The following IMMP2L variants were observed in gnomAD, a reference collection of about 807,000 sequenced individuals.
The protein encoded by IMMP2L is inner mitochondrial membrane peptidase subunit 2.
In IMMP2L, 18 loss-of-function variants were observed where a neutral mutation model predicts 19.3. That is an observed-to-expected ratio of 0.93 (90% CI 0.64 to 1.38). The LOEUF is 1.38. Ranked by LOEUF, IMMP2L falls within the 40% of genes most tolerant of loss-of-function variation. IMMP2L has a pLI of 0.00. For synonymous variants in IMMP2L, 76 were observed against 73.0 expected (o/e 1.04, Z -0.21); for missense variants, 233 against 218.2 (o/e 1.07, Z -0.43).
chr7:110,970,141 T>C (rs1204074348), intron 3 of IMMP2L, among the ~76,000 whole-genome samples: 1 of 152,116 alleles, frequency 6.6e-6, no homozygotes, highest in Non-Finnish European at 1.5e-5. Context: ...TAAATTTGTA[T>C]TTATGACTCT....
chr7:111,379,206 TA>T (rs11303513), intron 3 of IMMP2L, among the ~76,000 whole-genome samples: 19,518 of 98,836 alleles, frequency 0.2, 1,447 homozygotes, highest in African/African-American at 0.27. Flanking sequence ...ACCCTTATGG[TA>T]AAAAAAAAAA....
At position 110,990,707 on chromosome 7, in the gene IMMP2L, G is replaced by A. The variant is rs1201069750; in HGVS notation, c.240-27142C>T. ...CTCCTAACCAGGCTCCCTAATGCCA[G>A]TGCCAATCTACTTTAAGTTAACTTA... is the stretch of plus-strand genomic sequence containing the variant. On this transcript the variant is annotated intron_variant, in intron 3 of 5. Coordinates refer to ENST00000405709, the MANE Select transcript of IMMP2L (RefSeq NM_032549.4). Among the ~76,000 whole-genome samples, 3 of 152,230 alleles carry A rather than the reference G, an allele frequency of 2.0e-5. No individual in the cohort carries two copies. The South Asian group carries it at 6.2e-4, about 32-fold the overall frequency.
At position 111,264,627 on chromosome 7, in the gene IMMP2L, T is replaced by G. The variant is rs987548251; in HGVS notation, c.239+222611A>C. On this transcript the variant is annotated intron_variant, in intron 3 of 5. Transcript: ENST00000405709. ...AGCAGAAACAGAGAAGACCAGGCAC[T>G]GACTGGCTAGTTGCAGGGAAGATTA... Among the ~76,000 whole-genome samples the G allele has an allele frequency of 4.7e-4, 72 of 151,706 alleles. No homozygotes were observed. In the Admixed American group the frequency reaches 4.8e-3, roughly 10 times the overall value.
At chr7:110,959,456 A>C (rs1368753125) in intron 4 of IMMP2L, among the ~76,000 whole-genome samples, 1 of 151,954 alleles carries the variant, frequency 6.6e-6, no homozygotes, top group African/African-American at 2.4e-5. Flanking sequence ...TCAGTAAATA[A>C]TATTCTATTC....
intron 3 of IMMP2L, among the ~76,000 whole-genome samples, chr7:111,143,964 T>G (rs1803204163): frequency 6.6e-6 from 1 of 152,158 alleles, no homozygotes; most frequent in South Asian, 2.1e-4. Flanking sequence ...CTACCCTGTT[T>G]GGAAAACTTT....
At chr7:110,930,749 G>C (rs1026110970) in intron 4 of IMMP2L, among the ~76,000 whole-genome samples, 1 of 152,172 alleles carries the variant, frequency 6.6e-6, no homozygotes, top group Non-Finnish European at 1.5e-5. Flanking sequence ...TACCAAGCTA[G>C]ATGAGAAACT....
At chr7:110,769,069 T>A (rs1330851851) in intron 5 of IMMP2L, among the ~76,000 whole-genome samples, 1 of 152,208 alleles carries the variant, frequency 6.6e-6, no homozygotes, top group African/African-American at 2.4e-5. Context: ...CGTTTTTGCC[T>A]GATAGCACAA....
At chr7:111,082,638 C>G (rs766049502) in intron 3 of IMMP2L, among the ~76,000 whole-genome samples, 1 of 152,178 alleles carries the variant, frequency 6.6e-6, no homozygotes, top group African/African-American at 2.4e-5. Context: ...TTCTCCCAGG[C>G]TTGTGGTTCA....
rs570639940 is a variant in IMMP2L at position 110,939,098 on chromosome 7, T to C, written c.305+24402A>G. 2.0e-4 allele frequency among the ~76,000 whole-genome samples: 31 copies of C among 152,102 alleles called. No homozygotes were observed. The South Asian group carries it at 5.0e-3, about 24-fold the overall frequency. ...TGACTTCTAAAGGTAGAAGAAAGTA[T>C]AGAGAAGTAGTTTTCAACCATGGTT... On this transcript the variant is annotated intron_variant, in intron 4 of 5. Coordinates refer to ENST00000405709, the MANE Select transcript of IMMP2L (RefSeq NM_032549.4).
intron 3 of IMMP2L, among the ~76,000 whole-genome samples, chr7:111,113,538 ACT>A (rs1799493186): frequency 6.6e-6 from 1 of 152,098 alleles, no homozygotes; most frequent in African/African-American, 2.4e-5. Flanking sequence ...TTTTCTTTTA[ACT>A]ATACCAGGGA....
chr7:110,888,651 A>G (rs766718181), intron 4 of IMMP2L, among the ~76,000 whole-genome samples: 2 of 152,204 alleles, frequency 1.3e-5, no homozygotes, highest in Admixed American at 6.5e-5. Context: ...GCATCATAAA[A>G]GACCAGTGAC....
chr7:111,533,298 T>C (rs948746176), intron 1 of IMMP2L, among the ~76,000 whole-genome samples: 4 of 152,188 alleles, frequency 2.6e-5, no homozygotes, highest in Admixed American at 6.5e-5. Flanking sequence ...TGTTTTGATT[T>C]CTGCATACTT....
At chr7:111,116,872 C>T (rs1243048630) in intron 3 of IMMP2L, among the ~76,000 whole-genome samples, 2 of 152,062 alleles carry the variant, frequency 1.3e-5, no homozygotes, top group East Asian at 3.9e-4. Context: ...TAAAAATAAA[C>T]ATTTGAGAGA....
intron 3 of IMMP2L, among the ~76,000 whole-genome samples, chr7:111,187,186 T>C (rs897231632): frequency 1.3e-5 from 2 of 152,108 alleles, no homozygotes; most frequent in Admixed American, 6.5e-5. Flanking sequence ...GTGGTGGTGT[T>C]CTAATAGTCT....
chr7:111,375,023 T>C (rs1830559718), intron 3 of IMMP2L, among the ~76,000 whole-genome samples: 1 of 152,100 alleles, frequency 6.6e-6, no homozygotes, highest in Non-Finnish European at 1.5e-5. Flanking sequence ...TTTTAGCTCC[T>C]TCATAGCGGG....
At position 110,934,497 on chromosome 7, in the gene IMMP2L, A is replaced by G. The variant is rs112530771; in HGVS notation, c.305+29003T>C. Among the ~76,000 whole-genome samples the G allele has an allele frequency of 6.8e-4, 104 of 152,286 alleles. 1 individual carries two copies. Among genetic ancestry groups the G allele is most frequent in the African/African-American group, 2.4e-3 (101 of 41,576 alleles). ...TAATGTCTGTGGGCTCTAACTTTTTAGAAGGCTGGATCTGATCCCAGAGAC... is the reference window on the plus strand; with the variant it reads ...TAATGTCTGTGGGCTCTAACTTTTTGGAAGGCTGGATCTGATCCCAGAGAC... On this transcript the variant is annotated intron_variant, in intron 4 of 5. Transcript: ENST00000405709.
intron 5 of IMMP2L, among the ~76,000 whole-genome samples, chr7:110,861,309 G>A (rs1010294079): frequency 5.3e-5 from 8 of 151,584 alleles, no homozygotes; most frequent in East Asian, 1.9e-4. Flanking sequence ...AGGGTCTTGC[G>A]TCGGCTGCAC....
intron 5 of IMMP2L, among the ~76,000 whole-genome samples, chr7:110,671,642 G>C (rs1791927908): frequency 6.6e-6 from 1 of 152,092 alleles, no homozygotes; most frequent in Non-Finnish European, 1.5e-5. Flanking sequence ...CTTTCCTTCA[G>C]ATGCCAGGGG....
chr7:111,024,215 G>T (rs894446073), intron 3 of IMMP2L, among the ~76,000 whole-genome samples: 2 of 152,174 alleles, frequency 1.3e-5, no homozygotes, highest in Non-Finnish European at 2.9e-5. Flanking sequence ...GCTATAATAT[G>T]AAATAAATAG....
Sources: allele counts gnomAD v4.1 joint callset (sites outside exome capture counted in the v4.1 genomes callset), GRCh38; gene constraint gnomAD v4.1.1; transcripts MANE v1.5; gene names NCBI Gene and HGNC (gene_info 2026-07-23, HGNC 2026-07-21).